Variants in HMSD observed in about 807,000 individuals in gnomAD.
HMSD encodes serpin-like protein HMSD.
In HMSD, 13 loss-of-function variants were observed where a neutral mutation model predicts 10.0. That is an observed-to-expected ratio of 1.31 (90% CI 0.85 to 2.08). The LOEUF (loss-of-function observed/expected upper bound fraction) is 2.08. Among genes scored for constraint, HMSD ranks in the 30% most tolerant of loss-of-function variants. The probability of loss-of-function intolerance (pLI) is 0.00; values close to 1 mark genes in which losing one functional copy is unlikely to be tolerated. For missense variants in HMSD, 169 were observed against 166.3 expected, an observed-to-expected ratio of 1.02 and a Z score of -0.09; for synonymous variants, 51 against 54.2, an observed-to-expected ratio of 0.94 and a Z score of 0.26.
intron 3 of HMSD, among the ~76,000 whole-genome samples, chr18:63,967,669 G>A (rs1054392512): frequency 1.3e-5 from 2 of 152,146 alleles, no homozygotes; most frequent in Non-Finnish European, 2.9e-5. Flanking sequence ...AGGTTGAGTC[G>A]GGAGTTGAGA....
chr18:63,957,123 C>A (rs911994885), intron 3 of HMSD, among the ~76,000 whole-genome samples: 1 of 152,088 alleles, frequency 6.6e-6, no homozygotes, highest in Non-Finnish European at 1.5e-5. Context: ...CTATCGGGTA[C>A]TAGGCTTATT....
chr18:63,965,163 A>C (rs2050404719), downstream of HMSD, among the ~76,000 whole-genome samples: 1 of 151,870 alleles, frequency 6.6e-6, no homozygotes, highest in African/African-American at 2.4e-5. Flanking sequence ...TAGCAAACAC[A>C]TTCTGGCTTG....
chr18:63,968,956 A>T (rs1599117603), intron 3 of HMSD, among the ~76,000 whole-genome samples: 1 of 152,338 alleles, frequency 6.6e-6, no homozygotes, highest in East Asian at 1.9e-4. Context: ...GTTTTACAAA[A>T]TACTGCTGCT....
downstream of HMSD, among the ~76,000 whole-genome samples, chr18:63,964,768 T>C (rs2050403219): frequency 6.6e-6 from 1 of 152,162 alleles, no homozygotes; most frequent in African/African-American, 2.4e-5. Flanking sequence ...GGCCCAACCC[T>C]CCTGACTTTA....
intron 2 of HMSD, among the ~76,000 whole-genome samples, chr18:63,953,858 T>C (rs2050343528): frequency 6.6e-6 from 1 of 152,210 alleles, no homozygotes; most frequent in Non-Finnish European, 1.5e-5. Flanking sequence ...TATGTGGTCT[T>C]TCCTCAGGAT....
In HMSD at chr18:63,960,425, G is replaced by C; in HGVS notation, c.*70G>C. ...CTTTCTTTGGAAATATTGCCAACTC[G>C]TAGACCTTTTCTCTAGCTTTAGCTT... On this transcript the variant is annotated 3_prime_UTR_variant, in exon 4 of 4. Coordinates refer to ENST00000408945, the MANE Select transcript of HMSD (RefSeq NM_001123366.2). The C allele has an allele frequency of 6.7e-7, 1 of 1,499,864 alleles. No homozygotes were observed. The highest frequency in any genetic ancestry group is 1.3e-5 in the South Asian group (1 of 76,294). The allele number at this position is 1,499,864 out of a possible 1,614,324, so 92.9% of individuals were successfully genotyped here.
chr18:63,964,633 AG>A (rs2144766912), downstream of HMSD, among the ~76,000 whole-genome samples: 2 of 152,326 alleles, frequency 1.3e-5, no homozygotes, highest in Non-Finnish European at 2.9e-5. Flanking sequence ...TCAGGCTGCC[AG>A]GAGATTTGGT....
intron 2 of HMSD, 98 bp from the exon 3 acceptor site, chr18:63,954,310 C>A: frequency 1.2e-6 from 1 of 824,038 alleles, no homozygotes; most frequent in Non-Finnish European, 1.9e-6. Context: ...CTGTAGTAAG[C>A]ATCTGTAAAT....
intron 3 of HMSD, among the ~76,000 whole-genome samples, chr18:63,955,723 A>G (rs970951443): frequency 3.9e-5 from 6 of 152,102 alleles, no homozygotes; most frequent in African/African-American, 1.4e-4. Flanking sequence ...ACTGACCCTG[A>G]AAGCCGATCA....
At chr18:63,959,483 G>C (rs950091334) in intron 3 of HMSD, among the ~76,000 whole-genome samples, 23 of 152,178 alleles carry the variant, frequency 1.5e-4, no homozygotes, top group Non-Finnish European at 3.2e-4. Context: ...AGTTTAATTC[G>C]TTATTGTCTG....
chr18:63,961,117 G>C lies in HMSD; in HGVS notation c.*762G>C, dbSNP rs546455430. 1 of 152,254 alleles carries C rather than the reference G, an allele frequency of 6.6e-6. No individual in the cohort carries two copies. The highest frequency in any genetic ancestry group is 1.9e-4 in the East Asian group (1 of 5,186). The allele number at this position is 152,254 out of a possible 1,614,324, so 9.4% of individuals were successfully genotyped here. On this transcript the variant is annotated 3_prime_UTR_variant, in exon 4 of 4. Coordinates refer to ENST00000408945, the MANE Select transcript of HMSD (RefSeq NM_001123366.2). ...AACACACACCTCTTTGCACTGCCTT[G>C]TGGATAGTCCAGTCAAGTGGAGTAA... is the stretch of plus-strand genomic sequence containing the variant.
intron 3 of HMSD, among the ~76,000 whole-genome samples, chr18:63,959,061 A>G (rs1364863117): frequency 6.6e-6 from 1 of 152,184 alleles, no homozygotes; most frequent in Non-Finnish European, 1.5e-5. Flanking sequence ...CAAAAGGTAC[A>G]TGCATAGTCC....
chr18:63,955,786 G>A (rs920081344), intron 3 of HMSD, among the ~76,000 whole-genome samples: 6 of 152,182 alleles, frequency 3.9e-5, no homozygotes, highest in African/African-American at 1.4e-4. Context: ...ACACAGAGCA[G>A]ACAGGAATGA....
intron 1 of HMSD, among the ~76,000 whole-genome samples, chr18:63,951,450 G>A (rs2050330044): frequency 6.6e-6 from 1 of 152,196 alleles, no homozygotes; most frequent in South Asian, 2.1e-4. Context: ...CACCAGCAGG[G>A]GGGAAACTGT....
chr18:63,954,386 TTTA>T lies in HMSD; in HGVS notation c.73-13_73-11del. 6.3e-7 allele frequency: 1 copy of T among 1,576,480 alleles called. No individual in the cohort carries two copies. Among genetic ancestry groups the T allele is most frequent in the Non-Finnish European group, 8.7e-7 (1 of 1,148,086 alleles). On this transcript the variant is annotated intron_variant, in intron 2 of 3. Coordinates refer to ENST00000408945, the MANE Select transcript of HMSD (RefSeq NM_001123366.2). Reference sequence around the variant, plus strand: ...TCACAGAATACTGAGAATGTGTATGTTTATTATTATTTTATTTTCAGGCACTTT... The same window carrying T: ...TCACAGAATACTGAGAATGTGTATGTTTATTATTTTATTTTCAGGCACTTT...
chr18:63,950,026 T>A (rs2050320896), intron 1 of HMSD, among the ~76,000 whole-genome samples: 1 of 152,062 alleles, frequency 6.6e-6, no homozygotes, highest in South Asian at 2.1e-4. Context: ...AGTAGACAAG[T>A]TGTGAGAATT....
chr18:63,950,634 A>C (rs763697704), intron 1 of HMSD, among the ~76,000 whole-genome samples: 13 of 151,828 alleles, frequency 8.6e-5, no homozygotes, highest in African/African-American at 3.1e-4. Context: ...CAACTTGTGG[A>C]TAGAACTCTG....
Position 63,960,445 on chromosome 18 carries a change from T to C in HMSD, c.*90T>C. ...AACTCGTAGACCTTTTCTCTAGCTT[T>C]AGCTTTTCCCTTATCAAGTATCTGT... On this transcript the variant is annotated 3_prime_UTR_variant, in exon 4 of 4. Transcript: ENST00000408945. The C allele has an allele frequency of 6.8e-7, 1 of 1,470,960 alleles. No individual in the cohort carries two copies. The highest frequency in any genetic ancestry group is 8.9e-7 in the Non-Finnish European group (1 of 1,119,866). The allele number at this position is 1,470,960 out of a possible 1,614,324, so 91.1% of individuals were successfully genotyped here.
chr18:63,966,667 A>T (rs2050410964), downstream of HMSD: 1 of 152,224 alleles, frequency 6.6e-6, no homozygotes, highest in South Asian at 2.1e-4. Context: ...ACATTTATTT[A>T]TTTCAATTAA....
Sources: gnomAD v4.1 joint callset for allele counts (sites outside exome capture counted in the v4.1 genomes callset) on GRCh38, gnomAD v4.1.1 for gene constraint, MANE v1.5 for transcripts, NCBI Gene and HGNC (gene_info 2026-07-23, HGNC 2026-07-21) for gene names.